NCKAP5: variants seen among roughly 807,000 people sequenced by gnomAD.
The protein encoded by NCKAP5 is nck-associated protein 5.
NCKAP5 carries 92 observed loss-of-function variants against 167.0 expected under a neutral mutation model. That is an observed-to-expected ratio of 0.55 (90% CI 0.47 to 0.66). The LOEUF (loss-of-function observed/expected upper bound fraction) is 0.66. Among genes scored for constraint, NCKAP5 ranks in the 30% least tolerant of loss-of-function variants. NCKAP5 has a pLI of 0.00. For synonymous variants in NCKAP5, 891 were observed against 877.4 expected, an observed-to-expected ratio of 1.02 and a Z score of -0.27; for missense variants, 2,378 against 2,315.0, an observed-to-expected ratio of 1.03 and a Z score of -0.56.
At chr2:133,337,812 T>C (rs890470425) in intron 3 of NCKAP5, among the ~76,000 whole-genome samples, 3 of 152,252 alleles carry the variant, frequency 2.0e-5, no homozygotes, top group African/African-American at 4.8e-5. Context: ...TATTTTATTA[T>C]GGCAGCCCTA....
intron 19 of NCKAP5, among the ~76,000 whole-genome samples, chr2:132,711,710 A>G (rs1461356783): frequency 2.0e-5 from 3 of 152,132 alleles, no homozygotes; most frequent in African/African-American, 7.2e-5. Flanking sequence ...TGCAACCCAG[A>G]CAGACCCTCC....
chr2:132,871,168 T>TC (rs1244317336), intron 9 of NCKAP5, among the ~76,000 whole-genome samples: 1 of 152,182 alleles, frequency 6.6e-6, no homozygotes, highest in Non-Finnish European at 1.5e-5. Flanking sequence ...TTATATGTGA[T>TC]CACAACAGTG....
intron 6 of NCKAP5, among the ~76,000 whole-genome samples, chr2:133,067,611 G>A (rs2149538204): frequency 6.6e-6 from 1 of 152,310 alleles, no homozygotes; most frequent in East Asian, 1.9e-4. Context: ...AGTGGGAAAT[G>A]ATCTACTCAT....
At chr2:133,522,727 C>T (rs1684574724) in intron 2 of NCKAP5, among the ~76,000 whole-genome samples, 1 of 152,136 alleles carries the variant, frequency 6.6e-6, no homozygotes, top group South Asian at 2.1e-4. Context: ...TGCTTTTTAG[C>T]CAAGCATATT....
At chr2:133,165,147 C>A (rs1002228983) in intron 5 of NCKAP5, among the ~76,000 whole-genome samples, 1 of 152,166 alleles carries the variant, frequency 6.6e-6, no homozygotes, top group African/African-American at 2.4e-5. Context: ...CATCAATGCA[C>A]AGACAGAGCC....
chr2:133,127,982 C>A (rs1259150058), intron 6 of NCKAP5, among the ~76,000 whole-genome samples: 1 of 152,146 alleles, frequency 6.6e-6, no homozygotes, highest in Admixed American at 6.5e-5. Flanking sequence ...GCTGACCACA[C>A]AGGAGTCATC....
rs1683447269 is a variant in NCKAP5 at position 132,785,133 on chromosome 2, G to T, written c.1678C>A (p.Gln560Lys). ...TGGCCCTGTGGGCCCCTCTCCCTCT[G>T]TACCTGAGGCGTCTGCACACTTGGG... is the stretch of plus-strand genomic sequence containing the variant. Reference protein sequence around the residue: ...LCPSVQTPQVQRERGPQGQGH... With the variant: ...LCPSVQTPQVKRERGPQGQGH... The change falls in exon 14 of 20, where the codon CAG becomes AAG. Residue 560 changes from glutamine to lysine, a missense_variant. Transcript: ENST00000409261. The T allele has an allele frequency of 6.2e-7, 1 of 1,612,390 alleles. No homozygotes were observed.
intron 4 of NCKAP5, among the ~76,000 whole-genome samples, chr2:133,269,267 A>T (rs1245903431): frequency 6.6e-6 from 1 of 152,246 alleles, no homozygotes; most frequent in Non-Finnish European, 1.5e-5. Flanking sequence ...TGGAGCTTAC[A>T]TTCTGGAGGA....
At chr2:132,900,507 C>G (rs1395674458) in intron 8 of NCKAP5, among the ~76,000 whole-genome samples, 1 of 152,120 alleles carries the variant, frequency 6.6e-6, no homozygotes, top group Non-Finnish European at 1.5e-5. Context: ...TGTACATATT[C>G]ATATATACAC....
intron 6 of NCKAP5, among the ~76,000 whole-genome samples, chr2:132,995,136 C>T (rs962769785): frequency 6.6e-6 from 1 of 152,122 alleles, no homozygotes; most frequent in African/African-American, 2.4e-5. Context: ...ACACTGTACA[C>T]TCTAAACACT....
the NCKAP5 span, among the ~76,000 whole-genome samples, chr2:133,658,143 G>T: frequency 6.6e-6 from 1 of 150,706 alleles, no homozygotes; most frequent in Non-Finnish European, 1.5e-5. Context: ...ACATTGAAGG[G>T]TGCGAACACA....
intron 19 of NCKAP5, among the ~76,000 whole-genome samples, chr2:132,709,717 A>G (rs1325978221): frequency 6.6e-6 from 1 of 152,128 alleles, no homozygotes; most frequent in Non-Finnish European, 1.5e-5. Flanking sequence ...CCATCTGCCT[A>G]CAAACAAAAC....
At chr2:133,137,183 CATTAGTT>C (rs1435578076) in intron 5 of NCKAP5, among the ~76,000 whole-genome samples, 1 of 152,046 alleles carries the variant, frequency 6.6e-6, no homozygotes, top group Non-Finnish European at 1.5e-5. Flanking sequence ...TCAATATCCC[CATTAGTT>C]ATGAAAGATT....
intron 8 of NCKAP5, 38 bp downstream of exon 8, chr2:132,963,682 T>C: frequency 6.2e-7 from 1 of 1,600,398 alleles, no homozygotes; most frequent in Admixed American, 1.7e-5. Flanking sequence ...AATACTGTTA[T>C]TTTTCTTGAA....
chr2:132,840,276 A>ATTTTTT (rs199908793), intron 11 of NCKAP5, among the ~76,000 whole-genome samples: 2 of 135,216 alleles, frequency 1.5e-5, no homozygotes, highest in Non-Finnish European at 1.6e-5. Flanking sequence ...ATTGCACAGC[A>ATTTTTT]TTTTTTTTTT....
intron 10 of NCKAP5, among the ~76,000 whole-genome samples, chr2:132,866,479 A>T (rs1690365768): frequency 6.6e-6 from 1 of 152,166 alleles, no homozygotes; most frequent in Non-Finnish European, 1.5e-5. Flanking sequence ...CCATTCTCCT[A>T]AGGGAATCCA....
intron 11 of NCKAP5, among the ~76,000 whole-genome samples, chr2:132,849,421 T>G (rs1688913801): frequency 6.6e-6 from 1 of 152,120 alleles, no homozygotes; most frequent in Admixed American, 6.6e-5. Flanking sequence ...AAATACAAAT[T>G]CCCAGGAAAA....
At chr2:133,085,388 C>T (rs977501498) in intron 6 of NCKAP5, among the ~76,000 whole-genome samples, 2 of 152,106 alleles carry the variant, frequency 1.3e-5, no homozygotes, top group Non-Finnish European at 2.9e-5. Context: ...AATAAAGAAA[C>T]TTCATAATAA....
At chr2:132,982,130 G>A (rs1359829992) in intron 7 of NCKAP5, among the ~76,000 whole-genome samples, 1 of 152,238 alleles carries the variant, frequency 6.6e-6, no homozygotes, top group Non-Finnish European at 1.5e-5. Context: ...CAGTTAAGTA[G>A]ATGGGGGATT....
Sources: gnomAD v4.1 joint callset for allele counts (sites outside exome capture counted in the v4.1 genomes callset) on GRCh38, gnomAD v4.1.1 for gene constraint, MANE v1.5 for transcripts, NCBI Gene and HGNC (gene_info 2026-07-23, HGNC 2026-07-21) for gene names.